ZFHX3: variants seen among roughly 807,000 people sequenced by gnomAD.
The protein encoded by ZFHX3 is zinc finger homeobox protein 3.
A neutral mutation model predicts 279.1 loss-of-function variants in ZFHX3; 42 were observed. The observed-to-expected ratio is 0.15, with a 90% confidence interval of 0.12 to 0.19. The LOEUF (loss-of-function observed/expected upper bound fraction) is 0.19. Among genes scored for constraint, ZFHX3 ranks in the 10% least tolerant of loss-of-function variants. The pLI, the probability that ZFHX3 is intolerant of heterozygous loss-of-function variation, is 1.00. For missense variants in ZFHX3, 4,981 were observed against 4,754.0 expected, an observed-to-expected ratio of 1.05 and a Z score of -1.40; for synonymous variants, 2,293 against 1,957.8, an observed-to-expected ratio of 1.17 and a Z score of -4.52.
At chr16:73,177,297 T>A (rs758178399) in intron 5 of ZFHX3, among the ~76,000 whole-genome samples, 5 of 152,192 alleles carry the variant, frequency 3.3e-5, no homozygotes, top group Admixed American at 3.3e-4. Flanking sequence ...TTGTAGCTGT[T>A]TGAATGGGTA....
chr16:72,860,546 T>C (rs7202598), intron 4 of ZFHX3, among the ~76,000 whole-genome samples: 9,407 of 152,206 alleles, frequency 0.062, 1,014 homozygotes, highest in African/African-American at 0.21. Flanking sequence ...TTCTCCTGCC[T>C]CAGCCTCCCG....
intron 2 of ZFHX3, among the ~76,000 whole-genome samples, chr16:73,618,675 T>A (rs2052328804): frequency 6.6e-6 from 1 of 152,272 alleles, no homozygotes; most frequent in Non-Finnish European, 1.5e-5. Context: ...AGTCTCCTGT[T>A]GATGGAAACA....
At chr16:73,547,107 C>T (rs2020128820) in intron 2 of ZFHX3, among the ~76,000 whole-genome samples, 1 of 152,052 alleles carries the variant, frequency 6.6e-6, no homozygotes, top group Non-Finnish European at 1.5e-5. Flanking sequence ...GAAATCTCTC[C>T]ATCCTAATGA....
chr16:73,210,569 G>A (rs1472269170), intron 5 of ZFHX3, among the ~76,000 whole-genome samples: 2 of 152,142 alleles, frequency 1.3e-5, no homozygotes, highest in Non-Finnish European at 2.9e-5. Flanking sequence ...GTGTTTCAGA[G>A]TTATTCCTAT....
chr16:73,130,582 T>A (rs997902323), intron 7 of ZFHX3, among the ~76,000 whole-genome samples: 1 of 152,156 alleles, frequency 6.6e-6, no homozygotes, highest in Admixed American at 6.6e-5. Flanking sequence ...GTGGAGTATA[T>A]AGGGAAGAAA....
chr16:73,483,777 G>A (rs1382878066), intron 2 of ZFHX3, among the ~76,000 whole-genome samples: 1 of 152,116 alleles, frequency 6.6e-6, no homozygotes, highest in Non-Finnish European at 1.5e-5. Context: ...GCCTTTGGCA[G>A]CCATGGTAAT....
chr16:73,171,618 C>T (rs567817923), intron 5 of ZFHX3, among the ~76,000 whole-genome samples: 112 of 152,328 alleles, frequency 7.4e-4, no homozygotes, highest in Non-Finnish European at 1.3e-3. Flanking sequence ...TCTGTGTATT[C>T]TGTGTTTACT....
At chr16:73,202,720 T>C (rs1314664044) in intron 5 of ZFHX3, among the ~76,000 whole-genome samples, 1 of 152,106 alleles carries the variant, frequency 6.6e-6, no homozygotes, top group Admixed American at 6.6e-5. Flanking sequence ...TTTCATGTGA[T>C]GCACTTTTCA....
At chr16:73,830,664 T>C (rs1960971683) in intron 1 of ZFHX3, among the ~76,000 whole-genome samples, 1 of 152,234 alleles carries the variant, frequency 6.6e-6, no homozygotes, top group Non-Finnish European at 1.5e-5. Flanking sequence ...TCTTCTCTTC[T>C]ACAAATTGTC....
At chr16:73,334,151 A>G (rs1286991844) in intron 3 of ZFHX3, among the ~76,000 whole-genome samples, 4 of 152,144 alleles carry the variant, frequency 2.6e-5, no homozygotes, top group Non-Finnish European at 5.9e-5. Context: ...AGGAGAATGG[A>G]GTCGCCACGG....
intron 4 of ZFHX3, among the ~76,000 whole-genome samples, chr16:73,292,835 A>G (rs1028942373): frequency 2.0e-5 from 3 of 152,182 alleles, no homozygotes; most frequent in African/African-American, 7.2e-5. Flanking sequence ...TGTTCTGTTC[A>G]TGGACTAAAG....
intron 5 of ZFHX3, among the ~76,000 whole-genome samples, chr16:72,826,361 C>A (rs565743977): frequency 6.6e-6 from 1 of 152,286 alleles, no homozygotes; most frequent in East Asian, 1.9e-4. Context: ...TATTATTAAT[C>A]TGCATCATGA....
intron 1 of ZFHX3, among the ~76,000 whole-genome samples, chr16:73,750,411 T>G (rs529572582): frequency 1.3e-5 from 2 of 152,288 alleles, no homozygotes; most frequent in East Asian, 3.9e-4. Flanking sequence ...TAATCGCATT[T>G]GCAGATGACA....
chr16:73,275,655 T>C (rs568465916), intron 4 of ZFHX3, among the ~76,000 whole-genome samples: 24 of 152,358 alleles, frequency 1.6e-4, no homozygotes, highest in African/African-American at 5.1e-4. Context: ...TTAATGTTTA[T>C]ACTGTCGTCT....
chr16:73,845,745 C>A (rs1961434897), intron 1 of ZFHX3, among the ~76,000 whole-genome samples: 1 of 152,190 alleles, frequency 6.6e-6, no homozygotes, highest in South Asian at 2.1e-4. Flanking sequence ...TGTCTTTTCT[C>A]AATCCATGAA....
intron 5 of ZFHX3, among the ~76,000 whole-genome samples, chr16:73,153,795 G>A (rs746103093): frequency 5.3e-5 from 8 of 152,046 alleles, no homozygotes; most frequent in Admixed American, 3.3e-4. Context: ...GACTAAAGGC[G>A]CACACCACTA....
At chr16:73,186,948 C>T (rs1967923780) in intron 5 of ZFHX3, among the ~76,000 whole-genome samples, 2 of 152,170 alleles carry the variant, frequency 1.3e-5, no homozygotes, top group African/African-American at 4.8e-5. Flanking sequence ...AAACGGGAAA[C>T]TATTTCAGGG....
At chr16:72,906,593 T>A (rs1271531765) in intron 3 of ZFHX3, among the ~76,000 whole-genome samples, 3 of 152,018 alleles carry the variant, frequency 2.0e-5, no homozygotes, top group Non-Finnish European at 2.9e-5. Flanking sequence ...GGTCAGGAGT[T>A]CGAGACCAGC....
chr16:73,626,284 A>C (rs2052415860), intron 2 of ZFHX3, among the ~76,000 whole-genome samples: 1 of 152,174 alleles, frequency 6.6e-6, no homozygotes, highest in African/African-American at 2.4e-5. Flanking sequence ...CCAGGATGGA[A>C]GCAGTTGACG....
Sources: gnomAD v4.1 joint callset for allele counts (sites outside exome capture counted in the v4.1 genomes callset) on GRCh38, gnomAD v4.1.1 for gene constraint, MANE v1.5 for transcripts, NCBI Gene and HGNC (gene_info 2026-07-23, HGNC 2026-07-21) for gene names.